ANXA4: variants seen among roughly 807,000 people sequenced by gnomAD.
The protein encoded by ANXA4 is annexin A4.
Under a neutral mutation model 49.8 loss-of-function variants are expected in ANXA4, and 39 were observed. That is an observed-to-expected ratio of 0.78 (90% confidence interval 0.61 to 1.02). The LOEUF is 1.02. Among genes scored for constraint, ANXA4 ranks in the 50% least tolerant of loss-of-function variants. The pLI is 0.00. For missense variants in ANXA4, 360 were observed against 410.1 expected, an observed-to-expected ratio of 0.88 and a Z score of 1.05; for synonymous variants, 134 against 152.5, an observed-to-expected ratio of 0.88 and a Z score of 0.89.
intron 2 of ANXA4, among the ~76,000 whole-genome samples, chr2:69,666,879 C>G (rs1202465483): frequency 1.3e-5 from 2 of 152,082 alleles, no homozygotes; most frequent in Non-Finnish European, 2.9e-5. Context: ...AATCCTGCCT[C>G]TACTAAAAAT....
At chr2:69,730,165 C>T (rs1402100664) in intron 3 of ANXA4, among the ~76,000 whole-genome samples, 1 of 151,998 alleles carries the variant, frequency 6.6e-6, no homozygotes, top group South Asian at 2.1e-4. Flanking sequence ...CATAGTGAGA[C>T]CGCACCTCTA....
chr2:69,792,040 C>A (rs1415012061), intron 3 of ANXA4, among the ~76,000 whole-genome samples: 4 of 152,066 alleles, frequency 2.6e-5, no homozygotes, highest in Non-Finnish European at 4.4e-5. Flanking sequence ...ATTTTATGTA[C>A]CTCAACATGT....
chr2:69,645,046 A>T (rs1675951545), intron 1 of ANXA4: 1 of 152,144 alleles, frequency 6.6e-6, no homozygotes, highest in African/African-American at 2.4e-5. Flanking sequence ...GTTATTGTTC[A>T]TCTCTGCCCG....
chr2:69,676,023 T>C (rs1677401159), intron 2 of ANXA4, among the ~76,000 whole-genome samples: 1 of 150,166 alleles, frequency 6.7e-6, no homozygotes, highest in East Asian at 1.9e-4. Flanking sequence ...AAAAAAATAA[T>C]AATGATAATA....
rs547324321 is a variant in ANXA4, at chr2:69,676,462, T to G, written n.766+23180T>G. Among the ~76,000 whole-genome samples, 113 of 152,370 alleles carry G rather than the reference T, an allele frequency of 7.4e-4. No individual in the cohort carries two copies. In the South Asian group the frequency reaches 0.013, roughly 18 times the overall value. On this transcript the variant is annotated intron_variant and non_coding_transcript_variant, in intron 2 of 3. Transcript: ENST00000418066. ...GTTTTCAACCTCTTGAGAATTTGAATTTTTAAATGTTATATTGTATTTGAA... is the reference window on the plus strand; with the variant it reads ...GTTTTCAACCTCTTGAGAATTTGAAGTTTTAAATGTTATATTGTATTTGAA...
intron 1 of ANXA4, among the ~76,000 whole-genome samples, chr2:69,744,840 G>T (rs976249690): frequency 1.3e-5 from 2 of 152,206 alleles, no homozygotes; most frequent in African/African-American, 4.8e-5. Context: ...TAGTAATTTG[G>T]ATTTGTGGCT....
intron 1 of ANXA4, among the ~76,000 whole-genome samples, chr2:69,761,620 GT>G (rs1217527431): frequency 1.3e-5 from 2 of 151,904 alleles, no homozygotes; most frequent in Non-Finnish European, 2.9e-5. Context: ...ACGTGCCTTT[GT>G]TTTAAATCTT....
intron 3 of ANXA4, among the ~76,000 whole-genome samples, chr2:69,788,840 A>T (rs1672540867): frequency 6.7e-6 from 1 of 148,222 alleles, no homozygotes; most frequent in African/African-American, 2.5e-5. Flanking sequence ...TCCATCTCAA[A>T]AAAAAAAAAA....
chr2:69,698,561 G>T (rs1482655175), intron 2 of ANXA4, among the ~76,000 whole-genome samples: 1 of 152,202 alleles, frequency 6.6e-6, no homozygotes, highest in South Asian at 2.1e-4. Flanking sequence ...TGACCAGAGG[G>T]CCTGGGGGCA....
At chr2:69,656,563 T>C (rs1676504346) in intron 2 of ANXA4, among the ~76,000 whole-genome samples, 1 of 144,698 alleles carries the variant, frequency 6.9e-6, no homozygotes, top group Non-Finnish European at 1.5e-5. Context: ...TTTTTTTTTT[T>C]TTTTTTTGAG....
intron 1 of ANXA4, among the ~76,000 whole-genome samples, chr2:69,770,930 T>TAA (rs34710767): frequency 2.9e-3 from 408 of 141,600 alleles, no homozygotes; most frequent in East Asian, 0.018. Context: ...CTAGAAAATT[T>TAA]AAAAAAAAAA....
chr2:69,664,779 G>A (rs981255209), intron 2 of ANXA4, among the ~76,000 whole-genome samples: 4 of 152,108 alleles, frequency 2.6e-5, no homozygotes, highest in Non-Finnish European at 4.4e-5. Context: ...TAGGCTTCTC[G>A]GACGGGTTTC....
chr2:69,753,772 G>A (rs548045554), intron 1 of ANXA4, among the ~76,000 whole-genome samples: 1 of 152,316 alleles, frequency 6.6e-6, no homozygotes, highest in East Asian at 1.9e-4. Context: ...CACCTTCCTG[G>A]TTTACCAAAC....
Position 69,728,045 on chromosome 2 carries a change from A to G in ANXA4, n.864+7174A>G, listed in dbSNP as rs145889976. ...TATGGATCTTTGCAAGAAATAATGT[A>G]TCCTTCTCAGTTCATATCAGGAAGA... On this transcript the variant is annotated intron_variant and non_coding_transcript_variant, in intron 3 of 3. Coordinates refer to the ANXA4 transcript ENST00000418066. Among the ~76,000 whole-genome samples the G allele has an allele frequency of 9.2e-5, 14 of 152,360 alleles. No individual in the cohort carries two copies. In the East Asian group the frequency reaches 2.5e-3, roughly 27 times the overall value.
chr2:69,784,889 C>T (rs1672350994), intron 2 of ANXA4, among the ~76,000 whole-genome samples: 1 of 152,222 alleles, frequency 6.6e-6, no homozygotes, highest in Non-Finnish European at 1.5e-5. Context: ...CTCATATCCA[C>T]ATCTTCTTAT....
At chr2:69,661,750 A>G (rs1347164391) in intron 2 of ANXA4, among the ~76,000 whole-genome samples, 2 of 152,076 alleles carry the variant, frequency 1.3e-5, no homozygotes, top group African/African-American at 4.8e-5. Context: ...TCGGGGTAAG[A>G]GAGTTTTTTT....
chr2:69,699,084 A>C (rs774176232), intron 2 of ANXA4, among the ~76,000 whole-genome samples: 1 of 152,118 alleles, frequency 6.6e-6, no homozygotes, highest in Non-Finnish European at 1.5e-5. Flanking sequence ...ATCATGGGTA[A>C]AGAGGAGGAT....
At chr2:69,669,852 T>A (rs1573080561) in intron 2 of ANXA4, among the ~76,000 whole-genome samples, 1 of 152,054 alleles carries the variant, frequency 6.6e-6, no homozygotes, top group South Asian at 2.1e-4. Flanking sequence ...CTAATACTTC[T>A]CCCACCGCTA....
intron 1 of ANXA4, among the ~76,000 whole-genome samples, chr2:69,744,451 C>A (rs981485771): frequency 6.6e-6 from 1 of 152,122 alleles, no homozygotes; most frequent in Non-Finnish European, 1.5e-5. Flanking sequence ...AAATTGTATA[C>A]CTTTTAAATC....
Sources: gnomAD v4.1 joint callset for allele counts (sites outside exome capture counted in the v4.1 genomes callset) on GRCh38, gnomAD v4.1.1 for gene constraint, MANE v1.5 for transcripts, NCBI Gene and HGNC (gene_info 2026-07-23, HGNC 2026-07-21) for gene names.